Variants in MANSC1 observed in about 807,000 individuals in gnomAD.
The protein encoded by MANSC1 is MANSC domain containing 1, also known as MANSC domain-containing protein 1.
MANSC1 carries 13 observed loss-of-function variants against 14.1 expected under a neutral mutation model. That is an observed-to-expected ratio of 0.92 (90% confidence interval 0.60 to 1.46). MANSC1 has a LOEUF of 1.46. MANSC1 is among the 40% of genes most tolerant of loss of function. The pLI is 0.00. For synonymous variants in MANSC1, 227 were observed against 200.7 expected (o/e 1.13, Z -1.11); for missense variants, 486 against 511.4 (o/e 0.95, Z 0.48).
chr12:12,340,162 A>C (rs906549194), intron 2 of MANSC1, among the ~76,000 whole-genome samples: 12 of 152,076 alleles, frequency 7.9e-5, no homozygotes, highest in African/African-American at 2.9e-4. Flanking sequence ...TAAACCCTCT[A>C]TTCATCATGG....
intron 2 of MANSC1, among the ~76,000 whole-genome samples, chr12:12,341,939 C>G (rs117625753): frequency 0.073 from 11,113 of 152,124 alleles, 474 homozygotes; most frequent in South Asian, 0.13. Flanking sequence ...ATGCAGTGAG[C>G]CAAGATTGCG....
intron 3 of MANSC1, among the ~76,000 whole-genome samples, chr12:12,332,789 G>T (rs1862809565): frequency 6.6e-6 from 1 of 152,100 alleles, no homozygotes; most frequent in Non-Finnish European, 1.5e-5. Flanking sequence ...CCAAAGTGCT[G>T]GGATTATAGA....
chr12:12,348,717 C>CCAA (rs1863039319), intron 1 of MANSC1, among the ~76,000 whole-genome samples: 1 of 135,006 alleles, frequency 7.4e-6, no homozygotes, highest in Non-Finnish European at 1.6e-5. Flanking sequence ...AAGGTAAAAC[C>CCAA]AAAAAAAAAA....
rs749379386 is a variant in MANSC1, at chr12:12,338,554, T to C, written c.230A>G (p.Lys77Arg). 1.2e-5 allele frequency: 20 copies of C among 1,611,374 alleles called. No homozygotes were observed. The highest frequency in any genetic ancestry group is 1.7e-5 in the Non-Finnish European group (20 of 1,179,442). ...CCSTKNISGD[K>R]ACNLMIFDTR... is the part of the protein sequence containing the mutation. ...GTCGAAGATCATCAAGTTACATGCT[T>C]TGTCCCCTGCAATGAAAGGTTTCAT... is the stretch of plus-strand genomic sequence containing the variant. The change falls in exon 3 of 4, where the codon AAA becomes AGA. Residue 77 changes from lysine (K) to arginine (R), a missense_variant. Physicochemically the swap from Lys to Arg is conservative, Grantham distance 26. Transcript: ENST00000535902.
At position 12,332,274 on chromosome 12, in the gene MANSC1, A is replaced by T. The variant is rs1862800122; in HGVS notation, c.365-1316T>A. On this transcript the variant is annotated intron_variant, in intron 3 of 3. Transcript: ENST00000535902. ...CCTTTTTCTTCCTCAATTCACCTCC[A>T]TGCCAGTTTCCAAACTGGTCCTCAG... Among the ~76,000 whole-genome samples the T allele has an allele frequency of 2.6e-5, 4 of 152,162 alleles. No individual in the cohort carries two copies. In the South Asian group the frequency reaches 8.3e-4, roughly 32 times the overall value.
In MANSC1 at chr12:12,328,712, G is replaced by A. The variant is rs78287562; in HGVS notation, c.*1315C>T. 0.096 allele frequency: 14,466 copies of A among 151,084 alleles called. 888 individuals carry two copies. Among genetic ancestry groups the A allele is most frequent in the East Asian group, 0.16 (813 of 5,058 alleles). The allele number at this position is 151,084 out of a possible 1,614,324, so 9.4% of individuals were successfully genotyped here. A position where few individuals can be genotyped will look rare whatever the true frequency, so the allele number is the denominator to read the frequency against. ...TCTTTAAAAAGTTAACTAGAGGCCG[G>A]GCACGGTGGCTCACGCCTGTAATCC... is the stretch of plus-strand genomic sequence containing the variant. On this transcript the variant is annotated 3_prime_UTR_variant, in exon 4 of 4. Transcript: ENST00000535902.
chr12:12,349,907 T>C (rs1050760237), intron 1 of MANSC1, among the ~76,000 whole-genome samples, 171 bp downstream of exon 1: 37 of 152,350 alleles, frequency 2.4e-4, no homozygotes, highest in African/African-American at 8.7e-4. Context: ...TTTGGAATAC[T>C]GCAGCGACTC....
intron 3 of MANSC1, 35 bp from the exon 4 acceptor site, chr12:12,330,993 G>A (rs4763818): frequency 0.96 from 1,263,698 of 1,319,202 alleles, 610,448 homozygotes; most frequent in Non-Finnish European, 1. Context: ...GAAGGCTTAT[G>A]TAACTCCATG....
At chr12:12,344,254 C>T (rs1289083334) in intron 1 of MANSC1, among the ~76,000 whole-genome samples, 1 of 151,604 alleles carries the variant, frequency 6.6e-6, no homozygotes, top group Admixed American at 6.6e-5. Flanking sequence ...ATGGCTAATA[C>T]TGAGTGTCAA....
intron 2 of MANSC1, 74 bp from the exon 3 acceptor site, chr12:12,338,634 C>A: frequency 7.0e-7 from 1 of 1,428,824 alleles, no homozygotes; most frequent in South Asian, 1.2e-5. Flanking sequence ...GGAAAAACTT[C>A]ACTTATTATG....
chr12:12,338,826 C>A, intron 2 of MANSC1: 1 of 496,428 alleles, frequency 2.0e-6, no homozygotes, highest in Non-Finnish European at 3.6e-6. Flanking sequence ...AAGTCAAAGC[C>A]AAAGCAAAGT....
rs1862747706 is a variant in MANSC1, at chr12:12,329,132, T to G, written c.*895A>C. ...CGCTAGATTCTCCCAAGTGAAGCTC[T>G]TTGCTCACTGATGGGAAAAAGGGGG... On this transcript the variant is annotated 3_prime_UTR_variant, in exon 4 of 4. Transcript: ENST00000535902. 6.6e-6 allele frequency: 1 copy of G among 152,128 alleles called. No individual in the cohort carries two copies. Among genetic ancestry groups the G allele is most frequent in the African/African-American group, 2.4e-5 (1 of 41,424 alleles). 9.4% of individuals were successfully genotyped at this position (152,128 alleles called of 1,614,324 possible). A position where few individuals can be genotyped will look rare whatever the true frequency, so the allele number is the denominator to read the frequency against.
At chr12:12,342,525 GA>G (rs1248936613) in intron 2 of MANSC1, among the ~76,000 whole-genome samples, 1 of 141,570 alleles carries the variant, frequency 7.1e-6, no homozygotes, top group African/African-American at 2.7e-5. Flanking sequence ...CAGACTAATT[GA>G]TTCCCCATCC....
intron 3 of MANSC1, among the ~76,000 whole-genome samples, chr12:12,336,448 A>T (rs1171220896): frequency 1.3e-5 from 2 of 152,152 alleles, no homozygotes; most frequent in Non-Finnish European, 2.9e-5. Flanking sequence ...ACTTGTGACT[A>T]TATTTTTCTT....
Position 12,330,770 on chromosome 12 carries a change from G to A in MANSC1, c.553C>T (p.Leu185=), listed in dbSNP as rs754026582. 2.5e-5 allele frequency: 41 copies of A among 1,614,126 alleles called. No homozygotes were observed. The Admixed American group carries it at 6.7e-4, about 26-fold the overall frequency. Residue 185 remains leucine (L), a synonymous_variant, in exon 4 of 4, where the codon CTA becomes TTA. Coordinates refer to ENST00000535902, the MANE Select transcript of MANSC1 (RefSeq NM_018050.4). ...KFGSSDHLEK[L]FKMDEASAQL... ...GCACTTGCTTCATCCATCTTAAATA[G>A]TTTCTCCAAGTGATCTGAGGATCCA... is the stretch of plus-strand genomic sequence containing the variant.
chr12:12,329,711 C>T lies in MANSC1; in HGVS notation c.*316G>A, dbSNP rs143576678. 332 of 230,246 alleles carry T rather than the reference C, an allele frequency of 1.4e-3. 2 individuals are homozygous for T. Among genetic ancestry groups the T allele is most frequent in the African/African-American group, 7.1e-3 (313 of 43,880 alleles). The allele number at this position is 230,246 out of a possible 1,614,324, so 14.3% of individuals were successfully genotyped here. Reference sequence around the variant, plus strand: ...CCAGCCTGACCAACATGGTGAAACCCCGTCTCTACTAAAAATACAAAAATC... The same window carrying T: ...CCAGCCTGACCAACATGGTGAAACCTCGTCTCTACTAAAAATACAAAAATC... On this transcript the variant is annotated 3_prime_UTR_variant, in exon 4 of 4. Coordinates refer to ENST00000535902, the MANE Select transcript of MANSC1 (RefSeq NM_018050.4).
At position 12,349,118 on chromosome 12, in the gene MANSC1, G is replaced by A. The variant is rs79560570; in HGVS notation, c.-101+960C>T. On this transcript the variant is annotated intron_variant, in intron 1 of 3. Coordinates refer to ENST00000535902, the MANE Select transcript of MANSC1 (RefSeq NM_018050.4). ...AATCATAGCTACTGCTAATACTACT[G>A]TGGCTTTTGCCTACATTCCATTTCA... Among the ~76,000 whole-genome samples the A allele has an allele frequency of 4.3e-3, 659 of 152,292 alleles. 5 individuals are homozygous for A. Among genetic ancestry groups the A allele is most frequent in the African/African-American group, 0.015 (636 of 41,544 alleles).
At position 12,345,610 on chromosome 12, in the gene MANSC1, A is replaced by C. The variant is rs959508248; in HGVS notation, c.-100-2196T>G. On this transcript the variant is annotated intron_variant, in intron 1 of 3. Coordinates refer to ENST00000535902, the MANE Select transcript of MANSC1 (RefSeq NM_018050.4). ...TAGGAAAAATAAATGTTAAACTGGC[A>C]AGACAATACAAGAAATTATCCTCAC... 6.4e-4 allele frequency among the ~76,000 whole-genome samples: 97 copies of C among 152,220 alleles called. 1 individual carries two copies. The highest frequency in any genetic ancestry group is 6.3e-3 in the Admixed American group (96 of 15,274).
At position 12,330,881 on chromosome 12, in the gene MANSC1, G is replaced by A. The variant is rs748735813; in HGVS notation, c.442C>T (p.Gln148Ter). 3.0e-5 allele frequency: 48 copies of A among 1,613,794 alleles called. No homozygotes were observed. The South Asian group carries it at 4.5e-4, about 15-fold the overall frequency. Residue 148 changes from glutamine (Q) to a stop codon, truncating the protein, a stop_gained, in exon 4 of 4, where the codon CAA becomes TAA. Coordinates refer to ENST00000535902, the MANE Select transcript of MANSC1 (RefSeq NM_018050.4). LOFTEE classifies it low-confidence loss of function (END_TRUNC). ...EDSLLHGQFS[Q>*]AVTPLAHHHT... ...TGATGGGCTAGGGGAGTGACTGCTT[G>A]TGAAAATTGGCCATGTAAGAGAGAA...
Sources: allele counts gnomAD v4.1 joint callset (sites outside exome capture counted in the v4.1 genomes callset), GRCh38; gene constraint gnomAD v4.1.1; transcripts MANE v1.5; gene names NCBI Gene and HGNC (gene_info 2026-07-23, HGNC 2026-07-21).